The following LAPTM4B variants were observed in gnomAD, a reference collection of about 807,000 sequenced individuals.
The protein encoded by LAPTM4B is lysosomal protein transmembrane 4 beta, also known as lysosomal-associated transmembrane protein 4B.
A neutral mutation model predicts 28.5 loss-of-function variants in LAPTM4B; 26 were observed. The observed-to-expected ratio is 0.91, with a 90% confidence interval of 0.67 to 1.27. LAPTM4B has a LOEUF of 1.27. LAPTM4B is among the 50% of genes most tolerant of loss of function. The pLI, the probability that LAPTM4B is intolerant of heterozygous loss-of-function variation, is 0.00. For synonymous variants in LAPTM4B, 109 were observed against 106.4 expected (o/e 1.02, Z -0.15); for missense variants, 288 against 285.8 (o/e 1.01, Z -0.06).
At chr8:97,823,215 T>G (rs1292436929) in intron 5 of LAPTM4B, among the ~76,000 whole-genome samples, 1 of 152,204 alleles carries the variant, frequency 6.6e-6, no homozygotes, top group Non-Finnish European at 1.5e-5. Flanking sequence ...TACCTGGGCT[T>G]TTCAAGACAG....
intron 1 of LAPTM4B, among the ~76,000 whole-genome samples, chr8:97,789,059 T>C (rs1367791926): frequency 1.2e-5 from 1 of 80,628 alleles, no homozygotes; most frequent in Non-Finnish European, 2.2e-5. Flanking sequence ...TATTTATTTA[T>C]TTATTTATTT....
chr8:97,818,552 T>TG (rs1816957296), intron 4 of LAPTM4B, among the ~76,000 whole-genome samples: 1 of 152,198 alleles, frequency 6.6e-6, no homozygotes, highest in African/African-American at 2.4e-5. Context: ...TGGATGGTAG[T>TG]GCTTGATTAT....
intron 6 of LAPTM4B, among the ~76,000 whole-genome samples, chr8:97,847,094 C>G (rs1021059767): frequency 7.9e-5 from 12 of 152,206 alleles, no homozygotes; most frequent in Non-Finnish European, 7.3e-5. Flanking sequence ...CCTAGCATGA[C>G]AACTTCAATA....
rs1280003233 is a variant in LAPTM4B at position 97,781,278 on chromosome 8, C to T, written c.99+5170C>T. Among the ~76,000 whole-genome samples, 122 of 50,830 alleles carry T rather than the reference C, an allele frequency of 2.4e-3. 5 individuals are homozygous for T. The highest frequency in any genetic ancestry group is 0.014 in the East Asian group (18 of 1,332). The allele number at this position is 50,830 out of a possible 152,430, so 33.3% of individuals were successfully genotyped here. A position where few individuals can be genotyped will look rare whatever the true frequency, so the allele number is the denominator to read the frequency against. Reference sequence around the variant, plus strand: ...ACAGGCGTGAGCCACTGTGCCCGGCCTTTTTTTTTTTTTTTTTTTTTGAGG... The same window carrying T: ...ACAGGCGTGAGCCACTGTGCCCGGCTTTTTTTTTTTTTTTTTTTTTTGAGG... On this transcript the variant is annotated intron_variant, in intron 1 of 6. Transcript: ENST00000521545.
At chr8:97,819,756 A>T (rs1335279297) in intron 5 of LAPTM4B, among the ~76,000 whole-genome samples, 12 of 100,328 alleles carry the variant, frequency 1.2e-4, no homozygotes, top group Non-Finnish European at 2.0e-4. Flanking sequence ...TTTTTTTGAG[A>T]TGGAGTCTCG....
At chr8:97,793,541 C>T (rs546055994) in intron 1 of LAPTM4B, among the ~76,000 whole-genome samples, 136 of 152,244 alleles carry the variant, frequency 8.9e-4, no homozygotes, top group African/African-American at 3.2e-3. Flanking sequence ...GAATCTTCGG[C>T]CAACAGCTGT....
Position 97,823,344 on chromosome 8 carries a change from G to GTTTTTTTTTTTT in LAPTM4B, c.508-1703_508-1702insTTTTTTTTTTTT, listed in dbSNP as rs10561869. Among the ~76,000 whole-genome samples, 20 of 109,236 alleles carry GTTTTTTTTTTTT rather than the reference G, an allele frequency of 1.8e-4. 1 individual carries two copies. Among genetic ancestry groups the GTTTTTTTTTTTT allele is most frequent in the South Asian group, 6.3e-4 (2 of 3,154 alleles). 71.7% of individuals were successfully genotyped at this position (109,236 alleles called of 152,430 possible). On this transcript the variant is annotated intron_variant, in intron 5 of 6. Transcript: ENST00000521545. ...GCGAATACAATCATCATACAATATG[G>GTTTTTTTTTTTT]TTTTTTTTTTTGTTTTTTTTTTGTT... is the stretch of plus-strand genomic sequence containing the variant.
chr8:97,776,400 C>G (rs1816216832), intron 1 of LAPTM4B, among the ~76,000 whole-genome samples: 1 of 152,212 alleles, frequency 6.6e-6, no homozygotes, highest in African/African-American at 2.4e-5. Flanking sequence ...TCCGCGCAGC[C>G]CCGCGGCCTC....
chr8:97,809,418 G>A lies in LAPTM4B; in HGVS notation c.211+3954G>A, dbSNP rs371483333. On this transcript the variant is annotated intron_variant, in intron 2 of 6. Transcript: ENST00000521545. Reference sequence around the variant, plus strand: ...AGAATAGACAGAGTAAGAAATGTTAGACCAGGTGCGGTAGCTCACATATGT... The same window carrying A: ...AGAATAGACAGAGTAAGAAATGTTAAACCAGGTGCGGTAGCTCACATATGT... 2.9e-4 allele frequency among the ~76,000 whole-genome samples: 44 copies of A among 152,304 alleles called. No homozygotes were observed. In the South Asian group the frequency reaches 9.1e-3, roughly 32 times the overall value.
At chr8:97,799,784 C>T (rs1177085341) in intron 1 of LAPTM4B, among the ~76,000 whole-genome samples, 5 of 152,172 alleles carry the variant, frequency 3.3e-5, no homozygotes, top group Non-Finnish European at 7.3e-5. Context: ...TCTTCACCAC[C>T]TGGCCCCATC....
chr8:97,849,826 GC>G (rs1349977696), intron 6 of LAPTM4B, among the ~76,000 whole-genome samples: 5 of 76,782 alleles, frequency 6.5e-5, no homozygotes, highest in African/African-American at 2.3e-4. Flanking sequence ...CCGCCTGCCC[GC>G]CCCCGGTTCC....
chr8:97,830,875 G>A (rs1029919949), intron 6 of LAPTM4B, among the ~76,000 whole-genome samples: 1 of 152,144 alleles, frequency 6.6e-6, no homozygotes, highest in East Asian at 1.9e-4. Context: ...CGGATTTCAT[G>A]TCTAGCTTGT....
chr8:97,826,461 T>A (rs1483247418), intron 6 of LAPTM4B, among the ~76,000 whole-genome samples: 1 of 152,228 alleles, frequency 6.6e-6, no homozygotes, highest in Admixed American at 6.5e-5. Context: ...GTGATTTTGA[T>A]AAAATTACTG....
chr8:97,783,568 C>G (rs955969148), intron 1 of LAPTM4B, among the ~76,000 whole-genome samples: 1 of 152,144 alleles, frequency 6.6e-6, no homozygotes. Flanking sequence ...ACCTCCCCAC[C>G]CCATCCCCCA....
At chr8:97,818,256 A>G (rs1816952747) in intron 4 of LAPTM4B, among the ~76,000 whole-genome samples, 1 of 152,248 alleles carries the variant, frequency 6.6e-6, no homozygotes, top group South Asian at 2.1e-4. Flanking sequence ...AGCCAAGCCC[A>G]TGAGTCATGG....
At chr8:97,792,827 C>T (rs1816524978) in intron 1 of LAPTM4B, among the ~76,000 whole-genome samples, 1 of 152,160 alleles carries the variant, frequency 6.6e-6, no homozygotes, top group Admixed American at 6.6e-5. Context: ...ATCCGCCCTC[C>T]TCAGTCTTCC....
Position 97,840,869 on chromosome 8 carries a change from C to T in LAPTM4B, c.604-10528C>T, listed in dbSNP as rs573747111. ...GCAGAGGCGCTCCTCACTTCCCAGACGGTGGGTAGCTGGGCAGAGGCGCTT... is the reference window on the plus strand; with the variant it reads ...GCAGAGGCGCTCCTCACTTCCCAGATGGTGGGTAGCTGGGCAGAGGCGCTT... On this transcript the variant is annotated intron_variant, in intron 6 of 6. Coordinates refer to ENST00000521545, the MANE Select transcript of LAPTM4B (RefSeq NM_018407.6). Among the ~76,000 whole-genome samples, 411 of 145,428 alleles carry T rather than the reference C, an allele frequency of 2.8e-3. 3 individuals are homozygous for T. Among genetic ancestry groups the T allele is most frequent in the African/African-American group, 0.01 (392 of 38,468 alleles).
intron 4 of LAPTM4B, among the ~76,000 whole-genome samples, chr8:97,817,809 C>T (rs1307072275): frequency 6.6e-6 from 1 of 151,742 alleles, no homozygotes; most frequent in Non-Finnish European, 1.5e-5. Context: ...AGGCTGGTCT[C>T]GAACTCCTGA....
rs1817551855 is a variant in LAPTM4B at position 97,852,964 on chromosome 8, G to C, written c.*1490G>C. ...GGGGGAAAAAAGCCAAACAGAAGTAGAAAAAGGTGTAGCCGGCATACAAAT... is the reference window on the plus strand; with the variant it reads ...GGGGGAAAAAAGCCAAACAGAAGTACAAAAAGGTGTAGCCGGCATACAAAT... On this transcript the variant is annotated 3_prime_UTR_variant, in exon 7 of 7. Coordinates refer to ENST00000521545, the MANE Select transcript of LAPTM4B (RefSeq NM_018407.6). 1 of 542,452 alleles carries C rather than the reference G, an allele frequency of 1.8e-6. No individual in the cohort carries two copies. 33.6% of individuals were successfully genotyped at this position (542,452 alleles called of 1,614,324 possible).
Sources: gnomAD v4.1 joint callset for allele counts (sites outside exome capture counted in the v4.1 genomes callset) on GRCh38, gnomAD v4.1.1 for gene constraint, MANE v1.5 for transcripts, NCBI Gene and HGNC (gene_info 2026-07-23, HGNC 2026-07-21) for gene names.